Variants in DYSF observed in about 807,000 individuals in gnomAD.
The protein encoded by DYSF is dysferlin.
Under a neutral mutation model 274.9 loss-of-function variants are expected in DYSF, and 212 were observed. That is an observed-to-expected ratio of 0.77 (90% CI 0.69 to 0.86). DYSF has a LOEUF of 0.86. Ranked by LOEUF, DYSF falls within the 40% of genes least tolerant of loss-of-function variation. DYSF has a pLI of 0.00. For missense variants in DYSF, 2,666 were observed against 2,783.2 expected (o/e 0.96, Z 0.95); for synonymous variants, 1,091 against 1,078.7 (o/e 1.01, Z -0.22).
At chr2:71,614,614 G>A (rs1480129612) in intron 40 of DYSF, among the ~76,000 whole-genome samples, 2 of 152,116 alleles carry the variant, frequency 1.3e-5, no homozygotes, top group African/African-American at 4.8e-5. Context: ...GCTGCTCTAG[G>A]GCCTGCTGTC....
intron 14 of DYSF, among the ~76,000 whole-genome samples, chr2:71,533,680 T>C (rs1281380782): frequency 6.6e-6 from 1 of 152,234 alleles, no homozygotes; most frequent in Non-Finnish European, 1.5e-5. Flanking sequence ...CTACAATACA[T>C]AGTGGCCAAT....
At chr2:71,507,050 C>A (rs946631764) in intron 4 of DYSF, among the ~76,000 whole-genome samples, 6 of 152,270 alleles carry the variant, frequency 3.9e-5, no homozygotes, top group African/African-American at 1.2e-4. Flanking sequence ...GTCTCTGGAG[C>A]CCTCTCTCTG....
intron 32 of DYSF, among the ~76,000 whole-genome samples, chr2:71,596,925 G>A (rs1044589437): frequency 6.6e-6 from 1 of 152,154 alleles, no homozygotes; most frequent in Non-Finnish European, 1.5e-5. Context: ...TTGGGCAACA[G>A]GTACAACCTT....
At position 71,667,497 on chromosome 2, in the gene DYSF, G is replaced by A; in HGVS notation, c.5439G>A (p.Leu1813=). ...HVESRPLYSP[L]QPDIEQGKLQ... ...AGTCACGGCCCCTCTACAGCCCCCTGCAGCCAGACATCGAGCAGGTAGGAC... is the reference window on the plus strand; with the variant it reads ...AGTCACGGCCCCTCTACAGCCCCCTACAGCCAGACATCGAGCAGGTAGGAC... Residue 1813 remains leucine (L), a synonymous_variant, in exon 48 of 56, where the codon CTG becomes CTA. Transcript: ENST00000410020. 1 of 1,614,150 alleles carries A rather than the reference G, an allele frequency of 6.2e-7. No individual in the cohort carries two copies. Among genetic ancestry groups the A allele is most frequent in the Non-Finnish European group, 8.5e-7 (1 of 1,180,012 alleles).
At chr2:71,586,380 G>T (rs2152838593) in intron 30 of DYSF, among the ~76,000 whole-genome samples, 1 of 152,254 alleles carries the variant, frequency 6.6e-6, no homozygotes, top group African/African-American at 2.4e-5. Context: ...TCAGCACTTG[G>T]GTGGCAGATG....
At chr2:71,458,400 A>T (rs978128858) in intron 1 of DYSF, among the ~76,000 whole-genome samples, 9 of 152,084 alleles carry the variant, frequency 5.9e-5, no homozygotes, top group African/African-American at 2.2e-4. Flanking sequence ...TTCTCCATCC[A>T]CTGTCCTGCC....
chr2:71,494,998 T>A lies in DYSF; in HGVS notation c.240-8216T>A, dbSNP rs116140334. ...TGACAGTCACTGGGTGGGATGGGAA[T>A]GTGCAGAGAAGCACAGGAACATGGT... is the stretch of plus-strand genomic sequence containing the variant. On this transcript the variant is annotated intron_variant, in intron 3 of 55. Transcript: ENST00000410020. Among the ~76,000 whole-genome samples the A allele has an allele frequency of 4.9e-3, 749 of 152,278 alleles. 6 individuals are homozygous for A. The highest frequency in any genetic ancestry group is 0.017 in the African/African-American group (708 of 41,540).
chr2:71,601,136 T>TC (rs2093539765), intron 34 of DYSF: 1 of 589,372 alleles, frequency 1.7e-6, no homozygotes, highest in African/African-American at 1.9e-5. Context: ...TGTGAGGGAC[T>TC]CCAGGGACAG....
chr2:71,593,502 G>T (rs2093330087), intron 32 of DYSF, among the ~76,000 whole-genome samples: 1 of 152,144 alleles, frequency 6.6e-6, no homozygotes, highest in Admixed American at 6.5e-5. Context: ...TATGTACTGG[G>T]TTTGCTTTGA....
At chr2:71,654,965 C>T (rs752069541) in intron 42 of DYSF, among the ~76,000 whole-genome samples, 12 of 151,990 alleles carry the variant, frequency 7.9e-5, no homozygotes, top group Admixed American at 2.0e-4. Context: ...TGTGGTGGCA[C>T]GCCTGTACTC....
At chr2:71,569,686 C>T in intron 26 of DYSF, 134 bp from the exon 27 acceptor site, 1 of 762,100 alleles carries the variant, frequency 1.3e-6, no homozygotes, top group Non-Finnish European at 2.3e-6. Flanking sequence ...GCACCCTTCC[C>T]TCCCCACCCC....
intron 42 of DYSF, among the ~76,000 whole-genome samples, chr2:71,651,586 A>G (rs1357352060): frequency 2.7e-4 from 41 of 152,182 alleles, no homozygotes; most frequent in Admixed American, 2.6e-3. Context: ...AAATTTTCAA[A>G]GAATAAATAA....
At chr2:71,596,336 T>C (rs571070411) in intron 32 of DYSF, among the ~76,000 whole-genome samples, 66 of 152,276 alleles carry the variant, frequency 4.3e-4, no homozygotes, top group African/African-American at 1.5e-3. Flanking sequence ...GCAATTGTGA[T>C]CTTTGTGTAA....
intron 48 of DYSF, among the ~76,000 whole-genome samples, 195 bp from the exon 49 acceptor site, chr2:71,668,559 C>T (rs1292663939): frequency 1.3e-5 from 2 of 152,186 alleles, no homozygotes; most frequent in East Asian, 1.9e-4. Context: ...CAGGCACAGG[C>T]CCAAGTCAGA....
At chr2:71,553,753 T>TTCCCC in intron 20 of DYSF, 54 bp from the exon 21 acceptor site, 2 of 567,530 alleles carry the variant, frequency 3.5e-6, no homozygotes, top group Admixed American at 2.4e-5. Flanking sequence ...TAGCACCCCA[T>TTCCCC]CCCACCCGCC....
rs182250908 is a variant in DYSF at position 71,515,029 on chromosome 2, T to C, written c.760-594T>C. Among the ~76,000 whole-genome samples, 112 of 152,044 alleles carry C rather than the reference T, an allele frequency of 7.4e-4. No homozygotes were observed. In the Middle Eastern group the frequency reaches 0.01, roughly 14 times the overall value. On this transcript the variant is annotated intron_variant, in intron 7 of 55. Coordinates refer to ENST00000410020, the MANE Select transcript of DYSF (RefSeq NM_001130987.2). ...TTGATTCTAAAGTGGAGCCAGTAAATATCTTATTTTTTTCCATAGAATTGC... is the reference window on the plus strand; with the variant it reads ...TTGATTCTAAAGTGGAGCCAGTAAACATCTTATTTTTTTCCATAGAATTGC...
chr2:71,666,250 C>T (rs2095004663), intron 47 of DYSF, among the ~76,000 whole-genome samples: 1 of 152,182 alleles, frequency 6.6e-6, no homozygotes, highest in South Asian at 2.1e-4. Context: ...TCATAGGAAA[C>T]AAAAGCCAGA....
At chr2:71,550,990 T>G in intron 17 of DYSF, 51 bp from the exon 18 acceptor site, 2 of 1,551,200 alleles carry the variant, frequency 1.3e-6, no homozygotes, top group Non-Finnish European at 1.8e-6. Context: ...GGGTGGAGCA[T>G]TGGGAAGCCC....
At chr2:71,609,988 A>G (rs1257018980) in intron 36 of DYSF, among the ~76,000 whole-genome samples, 1 of 152,180 alleles carries the variant, frequency 6.6e-6, no homozygotes, top group Non-Finnish European at 1.5e-5. Context: ...CAGTCCTTTT[A>G]ATTATAGTTA....
Sources: gnomAD v4.1 joint callset for allele counts (sites outside exome capture counted in the v4.1 genomes callset) on GRCh38, gnomAD v4.1.1 for gene constraint, MANE v1.5 for transcripts, NCBI Gene and HGNC (gene_info 2026-07-23, HGNC 2026-07-21) for gene names.